The following SRPX2 variants were observed in gnomAD, a reference collection of about 807,000 sequenced individuals.
SRPX2 encodes sushi repeat-containing protein SRPX2.
SRPX2 carries 26 observed loss-of-function variants against 45.3 expected under a neutral mutation model. The observed-to-expected ratio is 0.57, with a 90% CI of 0.42 to 0.80. The LOEUF is 0.80. SRPX2 is among the 30% of genes least tolerant of loss of function. SRPX2 has a pLI of 0.00. For synonymous variants in SRPX2, 125 were observed against 143.7 expected (o/e 0.87, Z 0.93); for missense variants, 355 against 399.8 (o/e 0.89, Z 0.95).
intron 2 of SRPX2, among the ~76,000 whole-genome samples, chrX:100,648,141 G>T (rs984211329): frequency 8.9e-6 from 1 of 112,438 alleles, no homozygotes; most frequent in Non-Finnish European, 1.9e-5. Context: ...TCAGAAAAAG[G>T]GTCCAGGAAT....
chrX:100,650,877 T>C lies in SRPX2; in HGVS notation c.163+12T>C, dbSNP rs73555462. 4.3e-3 allele frequency: 5,158 copies of C among 1,192,175 alleles called. 132 individuals are homozygous for C. In the African/African-American group the frequency reaches 0.078, roughly 18 times the overall value. ...CCTGGACTACCGAGGTAATCTACCC[T>C]GCTTCTCAAGCCCAGAAAATCTCTT... On this transcript the variant is annotated intron_variant, in intron 3 of 10. Coordinates refer to ENST00000373004, the MANE Select transcript of SRPX2 (RefSeq NM_014467.3).
At chrX:100,659,810 C>T (rs1431654912) in intron 3 of SRPX2, among the ~76,000 whole-genome samples, 1 of 20,558 alleles carries the variant, frequency 4.9e-5, no homozygotes, top group Non-Finnish European at 1.9e-4. Context: ...TTTTTTTTTC[C>T]CCCTTAGGAT....
At chrX:100,663,654 T>C (rs1371172235) in intron 4 of SRPX2, among the ~76,000 whole-genome samples, 1 of 112,458 alleles carries the variant, frequency 8.9e-6, no homozygotes, top group African/African-American at 3.2e-5. Context: ...CTCCAACAAT[T>C]GAACTTAGGC....
intron 4 of SRPX2, 49 bp downstream of exon 4, chrX:100,662,416 G>A: frequency 8.4e-7 from 1 of 1,187,544 alleles, no homozygotes; most frequent in Non-Finnish European, 1.1e-6. Context: ...AGAGAAGCCA[G>A]CCAGCCAGCT....
In SRPX2 at chrX:100,646,409, G is replaced by A; in HGVS notation, c.82+5G>A. The A allele has an allele frequency of 2.3e-5, 28 of 1,206,358 alleles. No homozygotes were observed. The highest frequency in any genetic ancestry group is 3.1e-5 in the Non-Finnish European group (28 of 891,521). Reference sequence around the variant, plus strand: ...TGACACCAACATGGTATGCAGGTAAGTTCTAGGAGCTGTTGCCTATTATTT... The same window carrying A: ...TGACACCAACATGGTATGCAGGTAAATTCTAGGAGCTGTTGCCTATTATTT... On this transcript the variant is annotated splice_donor_5th_base_variant and intron_variant, in intron 2 of 10. Transcript: ENST00000373004.
At chrX:100,668,327 CAAAAAAAAAAAAAAAGAA>C (rs1227779993) in intron 9 of SRPX2, among the ~76,000 whole-genome samples, 2 of 34,353 alleles carry the variant, frequency 5.8e-5, no homozygotes, top group Admixed American at 7.9e-4. Context: ...AGCAGTTTTA[CAAAAAAAAAAAAAAAGAA>C]AAAAAAAAAA....
At chrX:100,659,797 C>T (rs199642111) in intron 3 of SRPX2, among the ~76,000 whole-genome samples, 3 of 85,984 alleles carry the variant, frequency 3.5e-5, no homozygotes, top group Admixed American at 1.5e-4. Context: ...TTTTTCAAAG[C>T]TTTTTTTTTT....
intron 5 of SRPX2, 53 bp from the exon 6 acceptor site, chrX:100,665,190 T>A: frequency 8.3e-7 from 1 of 1,203,925 alleles, no homozygotes; most frequent in Non-Finnish European, 1.1e-6. Flanking sequence ...GTGGATTCCC[T>A]CCAGGGAAAG....
intron 3 of SRPX2, among the ~76,000 whole-genome samples, chrX:100,657,366 T>TTTTTTTTTTTTTTTTTTTTTTTA (rs2083173546): frequency 1.4e-5 from 1 of 71,386 alleles, no homozygotes; most frequent in Non-Finnish European, 2.7e-5. Flanking sequence ...TTTTTTTTTT[T>TTTTTTTTTTTTTTTTTTTTTTTA]TTGAGACAGA....
intron 7 of SRPX2, among the ~76,000 whole-genome samples, 173 bp downstream of exon 7, chrX:100,665,830 CAT>C (rs1243148359): frequency 1.8e-5 from 2 of 112,119 alleles, no homozygotes; most frequent in East Asian, 5.6e-4. Flanking sequence ...CATGTGCATA[CAT>C]ATGTTTCTGA....
Position 100,670,841 on chromosome X carries a change from A to G in SRPX2, c.1252A>G (p.Met418Val). The change falls in exon 11 of 11, where the codon ATG (methionine) becomes GTG (valine). Residue 418 changes from methionine to valine, a missense_variant. Coordinates refer to ENST00000373004, the MANE Select transcript of SRPX2 (RefSeq NM_014467.3). ...FQRLTRSYFN[M>V]VLIDKQGIDR... ...GCGCCTCACTCGCTCCTACTTCAAC[A>G]TGGTGTTGATTGACAAGCAGGGTAT... is the stretch of plus-strand genomic sequence containing the variant. The G allele has an allele frequency of 8.3e-7, 1 of 1,211,345 alleles. No homozygotes were observed. The highest frequency in any genetic ancestry group is 1.1e-6 in the Non-Finnish European group (1 of 895,451).
intron 2 of SRPX2, among the ~76,000 whole-genome samples, chrX:100,646,607 G>T (rs948272570): frequency 8.9e-6 from 1 of 112,276 alleles, no homozygotes; most frequent in Admixed American, 9.4e-5. Flanking sequence ...TTTGAAATAG[G>T]TGAAATAGGC....
Position 100,674,223 on chromosome X carries a change from A to C in SRPX2, c.*3236A>C, listed in dbSNP as rs1376522368. ...GCTAAAGGAAGAGTTCCTTTGTTAC[A>C]AGATAGAAAAGTGGTGCCACTTTAA... On this transcript the variant is annotated 3_prime_UTR_variant, in exon 11 of 11. Transcript: ENST00000373004. 8.9e-6 allele frequency: 1 copy of C among 112,200 alleles called. No homozygotes were observed. The highest frequency in any genetic ancestry group is 2.8e-4 in the East Asian group (1 of 3,586). The allele number at this position is 112,200 out of a possible 1,213,427, so 9.2% of individuals were successfully genotyped here.
At chrX:100,657,909 TGA>T (rs2083175872) in intron 3 of SRPX2, among the ~76,000 whole-genome samples, 1 of 112,957 alleles carries the variant, frequency 8.9e-6, no homozygotes, top group Admixed American at 9.3e-5. Context: ...ATTACAGGCG[TGA>T]GCCACTGCGC....
chrX:100,653,854 A>G (rs930867886), intron 3 of SRPX2, among the ~76,000 whole-genome samples: 2 of 112,265 alleles, frequency 1.8e-5, no homozygotes, highest in Non-Finnish European at 3.8e-5. Flanking sequence ...ATTTAGCTAT[A>G]TTTCTGTATT....
At chrX:100,656,304 TTTA>T (rs201747758) in intron 3 of SRPX2, among the ~76,000 whole-genome samples, 9,746 of 111,386 alleles carry the variant, frequency 0.087, 404 homozygotes, top group South Asian at 0.26. Context: ...ACCTTCAGTA[TTTA>T]TTATTTTTAT....
chrX:100,647,258 T>C (rs980927475), intron 2 of SRPX2, among the ~76,000 whole-genome samples: 1 of 112,045 alleles, frequency 8.9e-6, no homozygotes, highest in Non-Finnish European at 1.9e-5. Flanking sequence ...ACCAATGGGG[T>C]TAGGAAAATA....
At chrX:100,665,096 C>G (rs2083200200) in intron 5 of SRPX2, 146 bp downstream of exon 5, 1 of 1,059,346 alleles carries the variant, frequency 9.4e-7, no homozygotes, top group Admixed American at 2.6e-5. Flanking sequence ...AAATGATCTT[C>G]TCCCCTGAAG....
intron 3 of SRPX2, among the ~76,000 whole-genome samples, chrX:100,657,796 C>T (rs2083175352): frequency 8.9e-6 from 1 of 112,091 alleles, no homozygotes; most frequent in South Asian, 3.7e-4. Flanking sequence ...AATATCTGTT[C>T]ATGTCCTTTG....
Sources: allele counts gnomAD v4.1 joint callset (sites outside exome capture counted in the v4.1 genomes callset), GRCh38; gene constraint gnomAD v4.1.1; transcripts MANE v1.5; gene names NCBI Gene and HGNC (gene_info 2026-07-23, HGNC 2026-07-21).